The following TOX2 variants were observed in gnomAD, a reference collection of about 807,000 sequenced individuals.
TOX2 encodes granulosa cell HMG box 1.
Under a neutral mutation model 47.4 loss-of-function variants are expected in TOX2, and 15 were observed. That is an observed-to-expected ratio of 0.32 (90% CI 0.21 to 0.49). The LOEUF (loss-of-function observed/expected upper bound fraction) is 0.49, where lower values mean the gene tolerates loss of function less well. Among genes scored for constraint, TOX2 ranks in the 20% least tolerant of loss-of-function variants. The pLI is 0.99. For missense variants in TOX2, 622 were observed against 673.1 expected (o/e 0.92, Z 0.84); for synonymous variants, 290 against 296.6 (o/e 0.98, Z 0.23).
intron 1 of TOX2, among the ~76,000 whole-genome samples, chr20:43,926,665 C>G (rs1176690574): frequency 1.3e-5 from 2 of 152,168 alleles, no homozygotes; most frequent in Non-Finnish European, 2.9e-5. Flanking sequence ...GCGCTTGTTC[C>G]CATTGGGGCT....
At chr20:43,918,158 T>C (rs1363766765) in intron 1 of TOX2, among the ~76,000 whole-genome samples, 2 of 152,168 alleles carry the variant, frequency 1.3e-5, no homozygotes, top group Non-Finnish European at 2.9e-5. Flanking sequence ...TGGTTCAGAT[T>C]TTGGCAAGGC....
In TOX2 at chr20:44,051,521, A is replaced by G; in HGVS notation, c.627A>G (p.Glu209=). 6.2e-7 allele frequency: 1 copy of G among 1,604,366 alleles called. No homozygotes were observed. The highest frequency in any genetic ancestry group is 8.5e-7 in the Non-Finnish European group (1 of 1,173,488). The change falls in exon 4 of 9, where the codon GAA becomes GAG. Residue 209 remains glutamate (E), a synonymous_variant. Coordinates refer to ENST00000341197, the MANE Select transcript of TOX2 (RefSeq NM_001098797.2). The part of the protein sequence containing the change: ...ATPSPSSSTQ[E]EESEVHFKIS... ...CCTCTCCCTCCAGCTCCACTCAGGA[A>G]GAGGAGTCGGAAGTGCATTTCAAGG... is the stretch of plus-strand genomic sequence containing the variant.
intron 2 of TOX2, among the ~76,000 whole-genome samples, chr20:43,992,709 A>C (rs142880747): frequency 6.6e-5 from 10 of 152,352 alleles, no homozygotes; most frequent in Admixed American, 4.6e-4. Flanking sequence ...TTGATATGGC[A>C]AAAGTTATAA....
chr20:44,022,743 T>A (rs1045936887), intron 3 of TOX2, among the ~76,000 whole-genome samples: 2 of 152,168 alleles, frequency 1.3e-5, no homozygotes, highest in African/African-American at 4.8e-5. Flanking sequence ...ATCTCCCCTA[T>A]ACTTACCTCT....
chr20:44,064,115 CA>C (rs35832249), intron 5 of TOX2, among the ~76,000 whole-genome samples: 2 of 152,036 alleles, frequency 1.3e-5, no homozygotes, highest in Non-Finnish European at 2.9e-5. Context: ...TATTCATATA[CA>C]AAAAAAATTT....
chr20:43,919,695 C>A (rs922675076), intron 1 of TOX2, among the ~76,000 whole-genome samples: 1 of 152,148 alleles, frequency 6.6e-6, no homozygotes, highest in African/African-American at 2.4e-5. Flanking sequence ...CTTGACAGGC[C>A]CCGGTGTGTG....
At chr20:44,030,608 A>G (rs968054003) in intron 3 of TOX2, among the ~76,000 whole-genome samples, 1 of 152,116 alleles carries the variant, frequency 6.6e-6, no homozygotes, top group Non-Finnish European at 1.5e-5. Context: ...CGCTGATCTT[A>G]CAGCCTCACT....
chr20:43,944,322 T>C (rs956119340), intron 1 of TOX2, among the ~76,000 whole-genome samples: 8 of 152,118 alleles, frequency 5.3e-5, no homozygotes, highest in Middle Eastern at 3.4e-3. Context: ...ACAGAAACGA[T>C]TGGCTGCAGG....
At chr20:44,062,494 C>T (rs765856873) in intron 5 of TOX2, among the ~76,000 whole-genome samples, 8 of 151,862 alleles carry the variant, frequency 5.3e-5, no homozygotes, top group East Asian at 1.9e-4. Context: ...TGAAAGAAAT[C>T]GTAGATGAAA....
chr20:43,939,527 A>G (rs2069373684), intron 1 of TOX2, among the ~76,000 whole-genome samples: 1 of 152,226 alleles, frequency 6.6e-6, no homozygotes, highest in Non-Finnish European at 1.5e-5. Context: ...AGTAGGACGG[A>G]TGCCAAGACT....
chr20:44,016,326 G>T (rs1197805813), intron 3 of TOX2, among the ~76,000 whole-genome samples: 1 of 152,102 alleles, frequency 6.6e-6, no homozygotes, highest in Non-Finnish European at 1.5e-5. Context: ...ATTTCACCAT[G>T]TTGCCCAAGC....
At chr20:44,041,357 C>T (rs867910666) in intron 3 of TOX2, among the ~76,000 whole-genome samples, 3 of 152,100 alleles carry the variant, frequency 2.0e-5, no homozygotes, top group African/African-American at 4.8e-5. Context: ...GGGCGGGGTC[C>T]GGCACCGACA....
At chr20:44,037,992 T>C (rs543622395) in intron 3 of TOX2, among the ~76,000 whole-genome samples, 1 of 152,338 alleles carries the variant, frequency 6.6e-6, no homozygotes, top group Non-Finnish European at 1.5e-5. Context: ...AAAATGCCGA[T>C]AATGATATGG....
At chr20:43,999,495 G>T (rs1356839211) in intron 2 of TOX2, among the ~76,000 whole-genome samples, 1 of 151,984 alleles carries the variant, frequency 6.6e-6, no homozygotes, top group Non-Finnish European at 1.5e-5. Flanking sequence ...ACATCTAAGA[G>T]AATAAAATAT....
chr20:43,985,420 A>G (rs1195826974), intron 2 of TOX2, among the ~76,000 whole-genome samples: 3 of 152,338 alleles, frequency 2.0e-5, no homozygotes, highest in Middle Eastern at 6.8e-3. Flanking sequence ...GCTGGGTTAT[A>G]AAGGTAATGA....
At chr20:44,010,972 C>T (rs1047492167) in intron 3 of TOX2, among the ~76,000 whole-genome samples, 1 of 152,112 alleles carries the variant, frequency 6.6e-6, no homozygotes, top group South Asian at 2.1e-4. Context: ...AATCCAGCCT[C>T]GCTTCTCCTC....
At chr20:44,042,059 A>T (rs903399396) in intron 3 of TOX2, among the ~76,000 whole-genome samples, 3 of 152,254 alleles carry the variant, frequency 2.0e-5, no homozygotes, top group Admixed American at 6.5e-5. Flanking sequence ...AAGACTGGAT[A>T]ATTTATAAAG....
intron 2 of TOX2, among the ~76,000 whole-genome samples, chr20:43,988,623 C>G (rs1336995981): frequency 1.3e-5 from 2 of 152,218 alleles, no homozygotes; most frequent in Non-Finnish European, 2.9e-5. Flanking sequence ...CTGCTTTCCT[C>G]CTAGACTGTG....
At chr20:43,962,522 G>A (rs1027916756) in intron 1 of TOX2, among the ~76,000 whole-genome samples, 2 of 152,360 alleles carry the variant, frequency 1.3e-5, no homozygotes, top group Admixed American at 1.3e-4. Flanking sequence ...TCAGGGCAGA[G>A]CCCTAGACTG....
Sources: allele counts gnomAD v4.1 joint callset (sites outside exome capture counted in the v4.1 genomes callset), GRCh38; gene constraint gnomAD v4.1.1; transcripts MANE v1.5; gene names NCBI Gene and HGNC (gene_info 2026-07-23, HGNC 2026-07-21).